Variants in KRIT1 observed in about 807,000 individuals in gnomAD.
KRIT1 encodes the protein krev interaction trapped protein 1.
Under a neutral mutation model 95.8 loss-of-function variants are expected in KRIT1, and 45 were observed. That is an observed-to-expected ratio of 0.47 (90% CI 0.37 to 0.60). KRIT1 has a LOEUF of 0.60. Ranked by LOEUF, KRIT1 falls within the 20% of genes least tolerant of loss-of-function variation. The probability of loss-of-function intolerance (pLI) is 0.00; values close to 1 mark genes in which losing one functional copy is unlikely to be tolerated. For missense variants in KRIT1, 788 were observed against 877.5 expected, an observed-to-expected ratio of 0.90 and a Z score of 1.29; for synonymous variants, 282 against 278.8, an observed-to-expected ratio of 1.01 and a Z score of -0.11.
chr7:92,200,348 T>A lies in KRIT1; in HGVS notation c.*388A>T, dbSNP rs1364646238. The stretch of plus-strand genomic sequence containing the variant: ...ATATTACAAGAGACTATATGCCTTG[T>A]TGAAAGTAATTTTTTTTTTTTTTTG... On this transcript the variant is annotated 3_prime_UTR_variant, in exon 19 of 19. Transcript: ENST00000394505. 7.4e-6 allele frequency: 2 copies of A among 270,416 alleles called. No individual in the cohort carries two copies. The highest frequency in any genetic ancestry group is 1.4e-5 in the Non-Finnish European group (2 of 141,182). The allele number at this position is 270,416 out of a possible 1,614,324, so 16.8% of individuals were successfully genotyped here.
At chr7:92,236,936 A>G (rs767040328) in intron 6 of KRIT1, among the ~76,000 whole-genome samples, 10 of 152,204 alleles carry the variant, frequency 6.6e-5, no homozygotes, top group Admixed American at 2.0e-4. Context: ...TGGGATGTCC[A>G]TGGTGGGTGA....
intron 3 of KRIT1, 122 bp from the exon 4 acceptor site, chr7:92,242,259 T>C: frequency 1.5e-6 from 1 of 684,846 alleles, no homozygotes. Flanking sequence ...GTCGAAAAAA[T>C]TAAAAAAAAA....
intron 5 of KRIT1, 82 bp from the exon 6 acceptor site, chr7:92,237,841 T>C (rs1444793204): frequency 3.9e-6 from 3 of 766,344 alleles, no homozygotes; most frequent in Admixed American, 2.0e-5. Context: ...AGAAAACAGA[T>C]ACTTTAAAAG....
chr7:92,222,707 C>T, intron 13 of KRIT1, 115 bp downstream of exon 13: 2 of 708,304 alleles, frequency 2.8e-6, no homozygotes, highest in Non-Finnish European at 4.9e-6. Context: ...AAGAGAAGAA[C>T]ATTGTATTAT....
intron 18 of KRIT1, 119 bp from the exon 19 acceptor site, chr7:92,200,923 T>A: frequency 1.2e-5 from 9 of 742,916 alleles, no homozygotes; most frequent in Non-Finnish European, 2.1e-5. Context: ...AGGAGACAGC[T>A]TGTTAAGAGA....
At position 92,234,484 on chromosome 7, in the gene KRIT1, A is replaced by G. The variant is rs750661449; in HGVS notation, c.954T>C (p.Asp318=). The part of the protein sequence containing the change: ...LSERFSVNQL[D]SDHWAPIHYA... ...AATGAATGGGTGCCCAGTGGTCACT[A>G]TCTAACTGGTTGACTGAAAATCTTT... Residue 318 remains aspartate (D), a synonymous_variant, in exon 10 of 19, where the codon GAT becomes GAC. Transcript: ENST00000394505. 5 of 1,610,216 alleles carry G rather than the reference A, an allele frequency of 3.1e-6. No homozygotes were observed. The highest frequency in any genetic ancestry group is 3.4e-6 in the Non-Finnish European group (4 of 1,176,316).
chr7:92,240,838 T>A (rs1241442080), intron 5 of KRIT1, 155 bp downstream of exon 5: 6 of 654,754 alleles, frequency 9.2e-6, no homozygotes, highest in Non-Finnish European at 1.6e-5. Context: ...TTGAAGGGGC[T>A]TGGGTGTACC....
chr7:92,237,623 C>A (rs1354578057), intron 6 of KRIT1, 44 bp downstream of exon 6: 3 of 1,101,484 alleles, frequency 2.7e-6, no homozygotes, highest in Admixed American at 3.4e-5. Flanking sequence ...CTTTACTTAG[C>A]ATCTAAAGTA....
intron 17 of KRIT1, among the ~76,000 whole-genome samples, chr7:92,209,829 G>A (rs182788164): frequency 3.8e-4 from 58 of 152,196 alleles, no homozygotes; most frequent in Non-Finnish European, 4.9e-4. Flanking sequence ...CTGGGAGGCC[G>A]AGGTGGGTGG....
intron 3 of KRIT1, 162 bp from the exon 4 acceptor site, chr7:92,242,299 T>C (rs1585032273): frequency 8.3e-6 from 5 of 601,900 alleles, no homozygotes; most frequent in Non-Finnish European, 1.5e-5. Context: ...GAATATACAG[T>C]GCCTAAAAGG....
At position 92,208,327 on chromosome 7, in the gene KRIT1, C is replaced by G. The variant is rs78061215; in HGVS notation, c.2025+4868G>C. Among the ~76,000 whole-genome samples, 442 of 149,704 alleles carry G rather than the reference C, an allele frequency of 3.0e-3. 3 individuals carry two copies. Among genetic ancestry groups the G allele is most frequent in the African/African-American group, 0.01 (420 of 40,730 alleles). On this transcript the variant is annotated intron_variant, in intron 17 of 18. Coordinates refer to ENST00000394505, the MANE Select transcript of KRIT1 (RefSeq NM_194454.3). ...AAGAAAAAACCAACCCTGAAATTAG[C>G]AGAAGGAAAGAAATAAGAAAGATCA...
chr7:92,205,103 T>C (rs1319007385), intron 17 of KRIT1, among the ~76,000 whole-genome samples: 3 of 152,244 alleles, frequency 2.0e-5, no homozygotes, highest in Non-Finnish European at 2.9e-5. Context: ...TCCCAGCACT[T>C]TGGGAGGGCG....
Position 92,234,798 on chromosome 7 carries a change from G to A in KRIT1, c.845+10C>T, listed in dbSNP as rs372125478. On this transcript the variant is annotated intron_variant, in intron 9 of 18. Coordinates refer to ENST00000394505, the MANE Select transcript of KRIT1 (RefSeq NM_194454.3). ...TATAAAAGCAATGTGGAGTAAAACC[G>A]AAACAGTACTTGTCTTCTGTGACAC... 7.0e-5 allele frequency: 104 copies of A among 1,490,844 alleles called. No individual in the cohort carries two copies. The African/African-American group carries it at 1.2e-3, about 17-fold the overall frequency. 92.4% of individuals were successfully genotyped at this position (1,490,844 alleles called of 1,614,324 possible). A position where few individuals can be genotyped will look rare whatever the true frequency, so the allele number is the denominator to read the frequency against.
intron 10 of KRIT1, among the ~76,000 whole-genome samples, chr7:92,229,279 C>T (rs957420323): frequency 6.6e-6 from 1 of 152,138 alleles, no homozygotes; most frequent in Admixed American, 6.5e-5. Context: ...TAATCATAGC[C>T]ATTCTGACTG....
In KRIT1 at chr7:92,200,734, T is replaced by C. The variant is rs751813012; in HGVS notation, c.*2A>G. On this transcript the variant is annotated 3_prime_UTR_variant, in exon 19 of 19. Transcript: ENST00000394505. Reference sequence around the variant, plus strand: ...GTGGCTTGAGTAACAGTTACTTCTCTTTCATGAATTTCTTTCAGTGGGCAT... The same window carrying C: ...GTGGCTTGAGTAACAGTTACTTCTCCTTCATGAATTTCTTTCAGTGGGCAT... 10 of 1,584,472 alleles carry C rather than the reference T, an allele frequency of 6.3e-6. No homozygotes were observed. Among genetic ancestry groups the C allele is most frequent in the Non-Finnish European group, 8.7e-6 (10 of 1,153,008 alleles).
intron 14 of KRIT1, among the ~76,000 whole-genome samples, chr7:92,218,292 A>G (rs1794413677): frequency 6.6e-6 from 1 of 152,126 alleles, no homozygotes; most frequent in African/African-American, 2.4e-5. Context: ...CTATGCAGCC[A>G]GGCTGGTCTC....
intron 14 of KRIT1, 56 bp from the exon 15 acceptor site, chr7:92,214,833 A>C: frequency 8.4e-7 from 1 of 1,195,616 alleles, no homozygotes; most frequent in Admixed American, 1.7e-5. Context: ...TTACAAATGA[A>C]CAACTTAATA....
chr7:92,216,596 T>C (rs971149723), intron 14 of KRIT1, among the ~76,000 whole-genome samples: 44 of 152,132 alleles, frequency 2.9e-4, no homozygotes, highest in African/African-American at 9.9e-4. Flanking sequence ...TCCTTATTCT[T>C]AGAAGATGCA....
chr7:92,236,612 T>C, intron 6 of KRIT1, 70 bp from the exon 7 acceptor site: 1 of 1,033,318 alleles, frequency 9.7e-7, no homozygotes, highest in Non-Finnish European at 1.5e-6. Flanking sequence ...CATCTAAAAA[T>C]ACATGTTAGA....
Sources: gnomAD v4.1 joint callset for allele counts (sites outside exome capture counted in the v4.1 genomes callset) on GRCh38, gnomAD v4.1.1 for gene constraint, MANE v1.5 for transcripts, NCBI Gene and HGNC (gene_info 2026-07-23, HGNC 2026-07-21) for gene names.